The following CCSER1 variants were observed in gnomAD, a reference collection of about 807,000 sequenced individuals.
The protein encoded by CCSER1 is coiled-coil serine rich protein 1.
In CCSER1, 41 loss-of-function variants were observed where a neutral mutation model predicts 82.0. That is an observed-to-expected ratio of 0.50 (90% CI 0.39 to 0.65). The LOEUF (loss-of-function observed/expected upper bound fraction) is 0.65, where lower values mean the gene tolerates loss of function less well. Among genes scored for constraint, CCSER1 ranks in the 30% least tolerant of loss-of-function variants. The pLI is 0.00. For synonymous variants in CCSER1, 414 were observed against 383.9 expected, an observed-to-expected ratio of 1.08 and a Z score of -0.92; for missense variants, 1,119 against 1,064.2, an observed-to-expected ratio of 1.05 and a Z score of -0.72.
chr4:90,282,554 G>C (rs1216195451), intron 1 of CCSER1, among the ~76,000 whole-genome samples: 1 of 151,642 alleles, frequency 6.6e-6, no homozygotes, highest in African/African-American at 2.4e-5. Context: ...ATTTTGAGTG[G>C]TTAAATAAAT....
At chr4:91,456,037 G>A (rs1373613391) in intron 10 of CCSER1, among the ~76,000 whole-genome samples, 1 of 152,046 alleles carries the variant, frequency 6.6e-6, no homozygotes, top group Non-Finnish European at 1.5e-5. Flanking sequence ...AGTTTGGGCT[G>A]CTACCACAGA....
intron 7 of CCSER1, among the ~76,000 whole-genome samples, chr4:90,760,269 ATAATT>A (rs2149516710): frequency 6.6e-6 from 1 of 152,142 alleles, no homozygotes; most frequent in East Asian, 1.9e-4. Flanking sequence ...CTGACTGTAC[ATAATT>A]TTATTCTTTT....
At chr4:90,957,960 A>C (rs1038702751) in intron 9 of CCSER1, among the ~76,000 whole-genome samples, 4 of 152,028 alleles carry the variant, frequency 2.6e-5, no homozygotes, top group Non-Finnish European at 5.9e-5. Context: ...TAATAAATTG[A>C]AAAAAATAGT....
intron 9 of CCSER1, among the ~76,000 whole-genome samples, chr4:90,976,523 A>T (rs1257898163): frequency 1.3e-5 from 2 of 151,240 alleles, no homozygotes; most frequent in Non-Finnish European, 3.0e-5. Context: ...ACAGCCTTCA[A>T]CCCAGTAATC....
chr4:91,363,824 CT>C (rs1398049296), intron 10 of CCSER1, among the ~76,000 whole-genome samples: 1 of 151,640 alleles, frequency 6.6e-6, no homozygotes, highest in Admixed American at 6.6e-5. Context: ...AGAAACAACC[CT>C]TTTTCATTTT....
intron 3 of CCSER1, among the ~76,000 whole-genome samples, chr4:90,316,520 A>G (rs1394086970): frequency 2.6e-5 from 4 of 152,228 alleles, no homozygotes; most frequent in African/African-American, 9.6e-5. Context: ...ATGCTGATGA[A>G]TAGTATCAAT....
intron 8 of CCSER1, among the ~76,000 whole-genome samples, chr4:90,819,434 C>A (rs1167802458): frequency 6.6e-6 from 1 of 152,072 alleles, no homozygotes; most frequent in African/African-American, 2.4e-5. Flanking sequence ...TTAGAGAGTT[C>A]TACTATATAT....
intron 3 of CCSER1, chr4:90,325,811 G>A (rs999980903): frequency 1.2e-5 from 3 of 240,106 alleles, no homozygotes; most frequent in South Asian, 4.5e-5. Context: ...AATTAAATAA[G>A]TCAAAGAAAT....
chr4:90,694,526 T>C (rs1736626943), intron 6 of CCSER1, among the ~76,000 whole-genome samples: 1 of 152,032 alleles, frequency 6.6e-6, no homozygotes, highest in South Asian at 2.1e-4. Flanking sequence ...CTTCATTACA[T>C]TTCTTTGCTA....
Position 91,599,012 on chromosome 4 carries a change from T to C in CCSER1, c.2658T>C (p.Asn886=). ...GGAAGAATGTGTTTCTCCACCACAA[T>C]TTACACAGCACTGAGCTGCAAACTC... ...YSRKNVFLHH[N]LHSTELQTLG... Residue 886 remains asparagine, a synonymous_variant, in exon 11 of 11, where the codon AAT becomes AAC. Coordinates refer to ENST00000509176, the MANE Select transcript of CCSER1 (RefSeq NM_001145065.2). The C allele has an allele frequency of 6.4e-7, 1 of 1,551,346 alleles. No homozygotes were observed. Among genetic ancestry groups the C allele is most frequent in the Non-Finnish European group, 8.7e-7 (1 of 1,146,770 alleles).
chr4:90,334,085 A>G (rs1054007582), intron 3 of CCSER1, among the ~76,000 whole-genome samples: 5 of 152,146 alleles, frequency 3.3e-5, no homozygotes, highest in Admixed American at 1.3e-4. Context: ...TCTTAACACA[A>G]CCATTACCTT....
chr4:91,414,943 T>C (rs1359889640), intron 10 of CCSER1, among the ~76,000 whole-genome samples: 6 of 152,138 alleles, frequency 3.9e-5, no homozygotes, highest in Non-Finnish European at 5.9e-5. Flanking sequence ...AAGCAAATGT[T>C]AGTAGAACTG....
chr4:91,021,764 A>G (rs1366548354), intron 9 of CCSER1, among the ~76,000 whole-genome samples: 2 of 152,210 alleles, frequency 1.3e-5, no homozygotes, highest in Non-Finnish European at 1.5e-5. Flanking sequence ...ATACAGCATC[A>G]CAACTGGCAG....
At chr4:91,253,312 T>C (rs1740405179) in intron 10 of CCSER1, among the ~76,000 whole-genome samples, 1 of 152,170 alleles carries the variant, frequency 6.6e-6, no homozygotes, top group Non-Finnish European at 1.5e-5. Flanking sequence ...ATATAATTTA[T>C]ATAATATACA....
chr4:91,072,167 C>A (rs1222997524), intron 9 of CCSER1, among the ~76,000 whole-genome samples: 1 of 152,090 alleles, frequency 6.6e-6, no homozygotes, highest in African/African-American at 2.4e-5. Context: ...AAGATGAGAA[C>A]TGCTAGAAAA....
chr4:91,152,050 A>T (rs1730267033), intron 10 of CCSER1, among the ~76,000 whole-genome samples: 1 of 152,252 alleles, frequency 6.6e-6, no homozygotes, highest in South Asian at 2.1e-4. Context: ...TGTCTCGTTG[A>T]TCTGTCTCAT....
intron 8 of CCSER1, among the ~76,000 whole-genome samples, chr4:90,883,257 A>G (rs1401796341): frequency 2.0e-5 from 3 of 152,124 alleles, no homozygotes; most frequent in Non-Finnish European, 4.4e-5. Context: ...TTGTTTCCAT[A>G]GACCTAGTAG....
At chr4:91,551,930 A>G (rs958159775) in intron 10 of CCSER1, among the ~76,000 whole-genome samples, 6 of 151,918 alleles carry the variant, frequency 3.9e-5, no homozygotes, top group African/African-American at 1.5e-4. Context: ...ACTTGAGCTT[A>G]AAGTAGAGGC....
intron 9 of CCSER1, among the ~76,000 whole-genome samples, chr4:91,043,493 T>G (rs1234229322): frequency 6.6e-6 from 1 of 151,876 alleles, no homozygotes; most frequent in African/African-American, 2.4e-5. Context: ...AATTTTAAAT[T>G]TGCAGAAAGT....
Sources: gnomAD v4.1 joint callset for allele counts (sites outside exome capture counted in the v4.1 genomes callset) on GRCh38, gnomAD v4.1.1 for gene constraint, MANE v1.5 for transcripts, NCBI Gene and HGNC (gene_info 2026-07-23, HGNC 2026-07-21) for gene names.